SEM1: variants seen among roughly 807,000 people sequenced by gnomAD.
The protein encoded by SEM1 is SEM1 26S proteasome subunit.
Under a neutral mutation model 12.7 loss-of-function variants are expected in SEM1, and 3 were observed. The ratio of observed to expected loss-of-function variants is 0.24; its 90% CI spans 0.11 to 0.61. The LOEUF is 0.61. SEM1 is among the 20% of genes least tolerant of loss of function. SEM1 has a pLI of 0.88. For missense variants in SEM1, 59 were observed against 81.3 expected (o/e 0.73, Z 1.06); for synonymous variants, 30 against 27.8 (o/e 1.08, Z -0.25).
At chr7:96,592,592 G>C (rs1167578450) in intron 2 of SEM1, among the ~76,000 whole-genome samples, 1 of 151,512 alleles carries the variant, frequency 6.6e-6, no homozygotes, top group Non-Finnish European at 1.5e-5. Context: ...GCTGTCTTCC[G>C]TTGGAGAACG....
intron 2 of SEM1, among the ~76,000 whole-genome samples, chr7:96,693,080 G>A (rs1028836591): frequency 6.6e-6 from 1 of 152,018 alleles, no homozygotes; most frequent in East Asian, 1.9e-4. Context: ...AAAATTCTAA[G>A]TCTTTATAGA....
intron 1 of SEM1, among the ~76,000 whole-genome samples, chr7:96,495,031 T>C (rs902304536): frequency 8.5e-6 from 1 of 118,200 alleles, no homozygotes; most frequent in Non-Finnish European, 1.7e-5. Flanking sequence ...CTACAAAAAC[T>C]CAGAGAGATA....
At chr7:96,567,985 G>A (rs1805901152) in intron 2 of SEM1, among the ~76,000 whole-genome samples, 1 of 150,942 alleles carries the variant, frequency 6.6e-6, no homozygotes, top group South Asian at 2.1e-4. Flanking sequence ...ATCCTGTCAA[G>A]TTTTGATATA....
intron 2 of SEM1, among the ~76,000 whole-genome samples, chr7:96,599,545 AAC>A (rs1807127167): frequency 6.6e-6 from 1 of 152,214 alleles, no homozygotes; most frequent in African/African-American, 2.4e-5. Flanking sequence ...CACTTGCTTC[AAC>A]ACACAGCATG....
At chr7:96,523,505 G>T (rs1804349261) in intron 2 of SEM1, among the ~76,000 whole-genome samples, 1 of 152,068 alleles carries the variant, frequency 6.6e-6, no homozygotes, top group Admixed American at 6.6e-5. Context: ...GAAGTTCAGG[G>T]CAGTGTCGTA....
At chr7:96,581,309 T>C (rs1041161359) in intron 2 of SEM1, among the ~76,000 whole-genome samples, 2 of 152,214 alleles carry the variant, frequency 1.3e-5, no homozygotes, top group South Asian at 4.1e-4. Context: ...CTGAGGGCTC[T>C]GTCCTGTTCC....
At chr7:96,599,699 T>C (rs1383522456) in intron 2 of SEM1, among the ~76,000 whole-genome samples, 2 of 152,178 alleles carry the variant, frequency 1.3e-5, no homozygotes, top group Non-Finnish European at 2.9e-5. Flanking sequence ...GCAGATTCCC[T>C]TCCTGCCCTT....
chr7:96,571,253 G>A (rs1225304265), intron 2 of SEM1, among the ~76,000 whole-genome samples: 7 of 152,008 alleles, frequency 4.6e-5, no homozygotes, highest in African/African-American at 1.7e-4. Context: ...CATGCTTTTG[G>A]TGTTTTAGTC....
intron 2 of SEM1, among the ~76,000 whole-genome samples, chr7:96,626,389 C>T (rs1020491867): frequency 6.6e-6 from 1 of 152,080 alleles, no homozygotes; most frequent in African/African-American, 2.4e-5. Context: ...AGTATTACAT[C>T]GTATGTAAGT....
intron 1 of SEM1, chr7:96,706,230 G>T (rs186987205): frequency 5.8e-4 from 89 of 152,302 alleles, no homozygotes; most frequent in African/African-American, 2.1e-3. Context: ...TACCTTCAGA[G>T]ACTCCTTCCA....
In SEM1 at chr7:96,579,781, T is replaced by C. The variant is rs1806324948; in HGVS notation, c.171-73083A>G. 5.9e-5 allele frequency among the ~76,000 whole-genome samples: 9 copies of C among 152,282 alleles called. No homozygotes were observed. In the South Asian group the frequency reaches 1.9e-3, roughly 32 times the overall value. ...TGTGATTAAATAAATTAGAACTATA[T>C]ACACCCTTTATACCAATATGATTTT... On this transcript the variant is annotated intron_variant and NMD_transcript_variant, in intron 2 of 3. Coordinates refer to the SEM1 transcript ENST00000466986.
At chr7:96,668,367 C>T (rs1789224034) in intron 2 of SEM1, among the ~76,000 whole-genome samples, 1 of 151,994 alleles carries the variant, frequency 6.6e-6, no homozygotes, top group African/African-American at 2.4e-5. Flanking sequence ...GGTTAGCTGA[C>T]AATTGAAATA....
intron 1 of SEM1, among the ~76,000 whole-genome samples, chr7:96,488,294 G>T (rs1802853282): frequency 1.3e-5 from 2 of 152,118 alleles, no homozygotes; most frequent in Non-Finnish European, 2.9e-5. Context: ...AAGGGAAAGG[G>T]ACTTCAAAGA....
At chr7:96,543,650 C>G (rs1469450819) in intron 2 of SEM1, among the ~76,000 whole-genome samples, 1 of 151,978 alleles carries the variant, frequency 6.6e-6, no homozygotes, top group South Asian at 2.1e-4. Context: ...ATAGCATTAA[C>G]CTAAGGAAAT....
At chr7:96,666,165 T>C (rs1789165460) in intron 2 of SEM1, among the ~76,000 whole-genome samples, 2 of 152,338 alleles carry the variant, frequency 1.3e-5, no homozygotes, top group African/African-American at 2.4e-5. Context: ...TCTAGGACTC[T>C]TGTTCTTGAA....
intron 2 of SEM1, among the ~76,000 whole-genome samples, chr7:96,557,440 A>G (rs1329813194): frequency 4.2e-5 from 5 of 119,424 alleles, no homozygotes; most frequent in Admixed American, 8.9e-5. Context: ...GTCTGTTGGA[A>G]TACCCTGCCG....
At chr7:96,496,952 T>C (rs1369611693), upstream of SEM1, among the ~76,000 whole-genome samples, 1 of 152,048 alleles carries the variant, frequency 6.6e-6, no homozygotes, top group Non-Finnish European at 1.5e-5. Flanking sequence ...CTCCCTGGCA[T>C]GTGTGCGTAT....
At chr7:96,590,886 A>C (rs550126459) in intron 2 of SEM1, among the ~76,000 whole-genome samples, 1 of 152,274 alleles carries the variant, frequency 6.6e-6, no homozygotes, top group South Asian at 2.1e-4. Flanking sequence ...GGTTACAAAC[A>C]TAGGAATGTG....
At chr7:96,578,390 T>C (rs1322711446) in intron 2 of SEM1, among the ~76,000 whole-genome samples, 1 of 152,024 alleles carries the variant, frequency 6.6e-6, no homozygotes, top group African/African-American at 2.4e-5. Context: ...CTAGGTAACT[T>C]AAAACAAATG....
Sources: gnomAD v4.1 joint callset for allele counts (sites outside exome capture counted in the v4.1 genomes callset) on GRCh38, gnomAD v4.1.1 for gene constraint, MANE v1.5 for transcripts, NCBI Gene and HGNC (gene_info 2026-07-23, HGNC 2026-07-21) for gene names.